Variants in AGAP1 observed in about 807,000 individuals in gnomAD.
AGAP1 encodes the protein ArfGAP with GTPase domain, ankyrin repeat and PH domain 1.
Under a neutral mutation model 105.3 loss-of-function variants are expected in AGAP1, and 29 were observed. The ratio of observed to expected loss-of-function variants is 0.28; its 90% confidence interval spans 0.21 to 0.38. The LOEUF is 0.38. Among genes scored for constraint, AGAP1 ranks in the 10% least tolerant of loss-of-function variants. The pLI is 1.00. For synonymous variants in AGAP1, 509 were observed against 485.9 expected, an observed-to-expected ratio of 1.05 and a Z score of -0.63; for missense variants, 998 against 1,165.1, an observed-to-expected ratio of 0.86 and a Z score of 2.09.
At chr2:236,067,527 A>G (rs1326139229) in intron 16 of AGAP1, among the ~76,000 whole-genome samples, 2 of 152,342 alleles carry the variant, frequency 1.3e-5, no homozygotes, top group East Asian at 3.9e-4. Context: ...CAGTATCTAC[A>G]GAAATGCCTA....
At chr2:235,613,953 A>G (rs1384831929) in intron 1 of AGAP1, among the ~76,000 whole-genome samples, 3 of 150,846 alleles carry the variant, frequency 2.0e-5, no homozygotes, top group Non-Finnish European at 4.4e-5. Context: ...GTCTGCAAGA[A>G]CCCTTTGTTA....
chr2:235,933,476 A>T (rs763564481), intron 12 of AGAP1, among the ~76,000 whole-genome samples: 14 of 152,128 alleles, frequency 9.2e-5, no homozygotes, highest in Non-Finnish European at 1.9e-4. Flanking sequence ...AGAATGGTGC[A>T]CAGAAGTCTG....
chr2:235,932,869 T>C (rs951537931), intron 12 of AGAP1, among the ~76,000 whole-genome samples: 4 of 152,248 alleles, frequency 2.6e-5, no homozygotes, highest in African/African-American at 7.2e-5. Context: ...GTGGGCTGCA[T>C]TGTCTGCACG....
chr2:235,862,136 T>C (rs2048951554), intron 9 of AGAP1, among the ~76,000 whole-genome samples: 1 of 150,348 alleles, frequency 6.7e-6, no homozygotes, highest in African/African-American at 2.5e-5. Context: ...CCTGCTGTCC[T>C]GGGTGTTCAT....
chr2:235,696,758 A>G (rs76268535), intron 1 of AGAP1, among the ~76,000 whole-genome samples: 6,722 of 152,118 alleles, frequency 0.044, 441 homozygotes, highest in African/African-American at 0.14. Context: ...ACCTCTCAGA[A>G]TGAGCCCCGT....
At position 235,728,685 on chromosome 2, in the gene AGAP1, A is replaced by AT. The variant is rs887282704; in HGVS notation, c.310+11048dup. On this transcript the variant is annotated intron_variant, in intron 3 of 17. Transcript: ENST00000304032. The surrounding 1 kb of genome is among the most constrained non-coding windows in gnomAD (Gnocchi z 4.3). ...TGAGCCCCATTTCTTAATGTTGTAT[A>AT]TTTTTTTAAAAATTAACACCACCAT... Among the ~76,000 whole-genome samples, 18 of 151,648 alleles carry AT rather than the reference A, an allele frequency of 1.2e-4. No individual in the cohort carries two copies. Among genetic ancestry groups the AT allele is most frequent in the African/African-American group, 4.1e-4 (17 of 41,018 alleles).
intron 6 of AGAP1, among the ~76,000 whole-genome samples, chr2:235,796,170 A>G (rs1478656202): frequency 2.6e-5 from 4 of 152,162 alleles, no homozygotes; most frequent in South Asian, 2.1e-4. Flanking sequence ...CCTTATTGCT[A>G]TTTTTCAAAA....
intron 1 of AGAP1, among the ~76,000 whole-genome samples, chr2:235,588,715 A>G (rs563729867): frequency 6.6e-4 from 100 of 152,280 alleles, no homozygotes; most frequent in Middle Eastern, 3.4e-3. Context: ...TTTAAAATCT[A>G]TCTTTGATTT....
At chr2:235,895,965 A>G (rs976209015) in intron 10 of AGAP1, among the ~76,000 whole-genome samples, 3 of 152,228 alleles carry the variant, frequency 2.0e-5, no homozygotes, top group African/African-American at 7.2e-5. Context: ...TTTTAATTGT[A>G]AAATACATAC....
rs1031071969 is a variant in AGAP1, at chr2:235,866,256, C to T, written c.1051-17089C>T. On this transcript the variant is annotated intron_variant, in intron 9 of 17. Transcript: ENST00000304032. This position sits in a 1 kb window ranked among gnomAD's most constrained non-coding sequence, Gnocchi z 6.1. Reference sequence around the variant, plus strand: ...GTGTGGTTATTCTTGCAGGTTGAGCCGGGTGCTAGCTACTGATGTGGGAAT... The same window carrying T: ...GTGTGGTTATTCTTGCAGGTTGAGCTGGGTGCTAGCTACTGATGTGGGAAT... 6.6e-6 allele frequency among the ~76,000 whole-genome samples: 1 copy of T among 152,086 alleles called. No homozygotes were observed. The highest frequency in any genetic ancestry group is 1.5e-5 in the Non-Finnish European group (1 of 68,030).
intron 11 of AGAP1, among the ~76,000 whole-genome samples, chr2:235,926,521 C>T (rs953417968): frequency 3.9e-5 from 6 of 152,172 alleles, no homozygotes; most frequent in African/African-American, 1.4e-4. Flanking sequence ...GTTTGGATCC[C>T]AGAAACAATA....
At chr2:235,531,366 C>T (rs1239082891) in intron 1 of AGAP1, among the ~76,000 whole-genome samples, 1 of 152,150 alleles carries the variant, frequency 6.6e-6, no homozygotes, top group Non-Finnish European at 1.5e-5. Flanking sequence ...CCTGTATTCT[C>T]CCCCTCAACT....
chr2:235,939,169 C>G (rs2053133874), intron 12 of AGAP1, among the ~76,000 whole-genome samples: 1 of 152,156 alleles, frequency 6.6e-6, no homozygotes, highest in Non-Finnish European at 1.5e-5. Flanking sequence ...TGCAGTGAGA[C>G]AGGTCCCAGC....
intron 1 of AGAP1, among the ~76,000 whole-genome samples, chr2:235,525,238 T>C (rs1180541423): frequency 6.6e-6 from 1 of 152,176 alleles, no homozygotes; most frequent in Non-Finnish European, 1.5e-5. Context: ...AGGACTGATT[T>C]ATAAAGTGGA....
At chr2:236,043,884 G>A (rs2125691785) in intron 15 of AGAP1, among the ~76,000 whole-genome samples, 1 of 152,324 alleles carries the variant, frequency 6.6e-6, no homozygotes, top group South Asian at 2.1e-4. Context: ...TGGAAGGTTA[G>A]CACCAGTTGT....
chr2:235,653,981 G>A (rs1406191869), intron 1 of AGAP1, among the ~76,000 whole-genome samples: 3 of 152,178 alleles, frequency 2.0e-5, no homozygotes, highest in African/African-American at 4.8e-5. Flanking sequence ...ACTTAAACCC[G>A]GGAGGCGGAG....
intron 11 of AGAP1, among the ~76,000 whole-genome samples, chr2:235,916,835 GTGGACATAA>G (rs1364441899): frequency 6.6e-6 from 1 of 152,212 alleles, no homozygotes; most frequent in Non-Finnish European, 1.5e-5. Flanking sequence ...TAGCCTTTGA[GTGGACATAA>G]TGGACATAGG....
At chr2:235,922,976 A>C (rs922360590) in intron 11 of AGAP1, among the ~76,000 whole-genome samples, 1 of 152,242 alleles carries the variant, frequency 6.6e-6, no homozygotes, top group Non-Finnish European at 1.5e-5. Context: ...TAATCAAGGC[A>C]GCTCAGTAAG....
intron 1 of AGAP1, among the ~76,000 whole-genome samples, chr2:235,658,734 G>A (rs568393814): frequency 6.6e-6 from 1 of 152,304 alleles, no homozygotes; most frequent in Admixed American, 6.5e-5. Context: ...TCCCTGGTGA[G>A]GGTGGGATTT....
Sources: allele counts gnomAD v4.1 joint callset (sites outside exome capture counted in the v4.1 genomes callset), GRCh38; gene constraint gnomAD v4.1.1; non-coding constraint Gnocchi (gnomAD v3.1); transcripts MANE v1.5; gene names NCBI Gene and HGNC (gene_info 2026-07-23, HGNC 2026-07-21).